Variants in TNR observed in about 807,000 individuals in gnomAD.
TNR encodes tenascin-R.
Under a neutral mutation model 150.4 loss-of-function variants are expected in TNR, and 45 were observed. The observed-to-expected ratio is 0.30, with a 90% CI of 0.24 to 0.38. The LOEUF is 0.38. TNR is among the 10% of genes least tolerant of loss of function. The pLI, the probability that TNR is intolerant of heterozygous loss-of-function variation, is 1.00. For missense variants in TNR, 1,544 were observed against 1,759.1 expected, an observed-to-expected ratio of 0.88 and a Z score of 2.19; for synonymous variants, 687 against 678.4, an observed-to-expected ratio of 1.01 and a Z score of -0.20.
intron 1 of TNR, among the ~76,000 whole-genome samples, chr1:175,661,100 C>T (rs956116496): frequency 1.3e-5 from 2 of 152,298 alleles, no homozygotes; most frequent in East Asian, 3.9e-4. Context: ...ACATGTGCAT[C>T]CCACTCACAC....
chr1:175,346,911 A>AAAC (rs1487932582), intron 18 of TNR, among the ~76,000 whole-genome samples: 4 of 151,888 alleles, frequency 2.6e-5, no homozygotes, highest in Non-Finnish European at 5.9e-5. Context: ...AAGAAGCAAA[A>AAAC]AAGAAAAAAG....
intron 1 of TNR, among the ~76,000 whole-genome samples, chr1:175,663,805 C>T (rs991874895): frequency 6.6e-6 from 1 of 152,172 alleles, no homozygotes; most frequent in African/African-American, 2.4e-5. Flanking sequence ...GACCAAAATA[C>T]TTTTAGTCTG....
intron 1 of TNR, among the ~76,000 whole-genome samples, chr1:175,583,513 G>A (rs1662445913): frequency 6.6e-6 from 1 of 152,188 alleles, no homozygotes; most frequent in South Asian, 2.1e-4. Flanking sequence ...ACCCCTGATA[G>A]GACTGAGACA....
At position 175,508,168 on chromosome 1, in the gene TNR, T is replaced by C. The variant is rs575480740; in HGVS notation, c.-64+20101A>G. On this transcript the variant is annotated intron_variant, in intron 2 of 22. Transcript: ENST00000367674. Reference sequence around the variant, plus strand: ...ACAGATACGTCATGTATGTGGGGCTTAAAACCTAGATGATGGGTTGATATG... The same window carrying C: ...ACAGATACGTCATGTATGTGGGGCTCAAAACCTAGATGATGGGTTGATATG... 2.2e-4 allele frequency among the ~76,000 whole-genome samples: 34 copies of C among 152,212 alleles called. No homozygotes were observed. In the South Asian group the frequency reaches 6.9e-3, roughly 31 times the overall value.
Position 175,435,826 on chromosome 1 carries a change from A to G in TNR, c.-63-29049T>C, listed in dbSNP as rs370708251. Among the ~76,000 whole-genome samples the G allele has an allele frequency of 1.4e-4, 21 of 152,268 alleles. No individual in the cohort carries two copies. In the East Asian group the frequency reaches 2.3e-3, roughly 17 times the overall value. On this transcript the variant is annotated intron_variant, in intron 2 of 22. Transcript: ENST00000367674. ...CTTCCTTTAGGAGCTCTTTTAGGGCAGTTCTGGTGGTGACAAAATCTCTGA... is the reference window on the plus strand; with the variant it reads ...CTTCCTTTAGGAGCTCTTTTAGGGCGGTTCTGGTGGTGACAAAATCTCTGA...
intron 1 of TNR, among the ~76,000 whole-genome samples, chr1:175,623,496 A>G (rs1347839686): frequency 1.3e-5 from 2 of 152,236 alleles, no homozygotes; most frequent in East Asian, 3.9e-4. Flanking sequence ...TATTGCCTGC[A>G]GGTGACCTGG....
chr1:175,601,896 A>T (rs1239603485), intron 1 of TNR, among the ~76,000 whole-genome samples: 1 of 152,330 alleles, frequency 6.6e-6, no homozygotes, highest in South Asian at 2.1e-4. Context: ...CAAAACACAC[A>T]TGAACAATTT....
At chr1:175,542,580 C>T (rs1453245178) in intron 1 of TNR, among the ~76,000 whole-genome samples, 1 of 152,168 alleles carries the variant, frequency 6.6e-6, no homozygotes, top group Non-Finnish European at 1.5e-5. Flanking sequence ...CATTTCCCAC[C>T]CACACCTCCA....
intron 2 of TNR, among the ~76,000 whole-genome samples, chr1:175,430,055 GATATA>G (rs754628323): frequency 4.7e-5 from 7 of 149,482 alleles, no homozygotes; most frequent in Non-Finnish European, 8.9e-5. Flanking sequence ...CTATTATATA[GATATA>G]ATATAGATAA....
chr1:175,639,929 AT>A (rs1182113167), intron 1 of TNR, among the ~76,000 whole-genome samples: 46 of 152,166 alleles, frequency 3.0e-4, no homozygotes, highest in African/African-American at 1.1e-3. Context: ...TGTCTTGCTT[AT>A]TTTTCTCTGC....
chr1:175,460,719 G>T (rs1656776323), intron 2 of TNR, among the ~76,000 whole-genome samples: 1 of 152,156 alleles, frequency 6.6e-6, no homozygotes, highest in South Asian at 2.1e-4. Context: ...GTGGCAAAGG[G>T]TAAGAGGAAG....
chr1:175,330,115 T>C lies in TNR; in HGVS notation c.3752A>G (p.Asn1251Ser), dbSNP rs761062982. Reference sequence around the variant, plus strand: ...GCTTCCTATGCGGAGTTTGTACAGGTTTCTGCTGTCCTCGACAGAGAACCT... The same window carrying C: ...GCTTCCTATGCGGAGTTTGTACAGGCTTCTGCTGTCCTCGACAGAGAACCT... ...YDRFSVEDSR[N>S]LYKLRIGSYN... Residue 1251 changes from asparagine (N) to serine (S), a missense_variant, in exon 21 of 23, where the codon AAC becomes AGC. By Grantham distance (46) the Asn-to-Ser change is conservative. This residue lies in a region of TNR where 290 missense variants were observed against 429.7 expected (regional missense o/e 0.67). Transcript: ENST00000367674. 1 of 1,611,076 alleles carries C rather than the reference T, an allele frequency of 6.2e-7. No individual in the cohort carries two copies. Among genetic ancestry groups the C allele is most frequent in the African/African-American group, 1.3e-5 (1 of 74,978 alleles).
intron 7 of TNR, among the ~76,000 whole-genome samples, chr1:175,388,324 T>A (rs1653023706): frequency 6.6e-6 from 1 of 152,148 alleles, no homozygotes; most frequent in Non-Finnish European, 1.5e-5. Context: ...CTTCAACTCT[T>A]TAAATCCAGA....
intron 1 of TNR, among the ~76,000 whole-genome samples, chr1:175,601,169 A>C (rs942558363): frequency 1.3e-5 from 2 of 152,260 alleles, no homozygotes; most frequent in Non-Finnish European, 2.9e-5. Flanking sequence ...TTGACAGTCC[A>C]GTAGCTATAC....
chr1:175,382,496 C>A (rs539600921), intron 8 of TNR, among the ~76,000 whole-genome samples: 10 of 152,332 alleles, frequency 6.6e-5, no homozygotes, highest in African/African-American at 2.2e-4. Flanking sequence ...AGTCCTAGAG[C>A]GGCATCACTG....
intron 18 of TNR, among the ~76,000 whole-genome samples, chr1:175,343,381 T>C (rs945783223): frequency 6.6e-5 from 10 of 152,196 alleles, no homozygotes. Context: ...ACTCTCATTA[T>C]TCAAGTCTTG....
At chr1:175,481,085 T>G (rs1281595822) in intron 2 of TNR, among the ~76,000 whole-genome samples, 1 of 152,164 alleles carries the variant, frequency 6.6e-6, no homozygotes, top group Non-Finnish European at 1.5e-5. Context: ...GACATAAATT[T>G]GTACATTTCA....
intron 2 of TNR, among the ~76,000 whole-genome samples, chr1:175,489,679 CT>C (rs1192051426): frequency 2.0e-5 from 3 of 152,138 alleles, no homozygotes; most frequent in East Asian, 1.9e-4. Flanking sequence ...GCTGAATGCC[CT>C]TGTGTTTGAC....
intron 2 of TNR, among the ~76,000 whole-genome samples, chr1:175,488,841 G>A (rs1658123080): frequency 6.6e-6 from 1 of 152,236 alleles, no homozygotes. Flanking sequence ...GATGGGGCAA[G>A]GGTTGTGGAA....
Sources: gnomAD v4.1 joint callset for allele counts (sites outside exome capture counted in the v4.1 genomes callset) on GRCh38, gnomAD v4.1.1 for gene constraint, gnomAD v4.1.1 regional missense constraint, MANE v1.5 for transcripts, NCBI Gene and HGNC (gene_info 2026-07-23, HGNC 2026-07-21) for gene names.